The following KLK9 variants were observed in gnomAD, a reference collection of about 807,000 sequenced individuals.
KLK9 encodes the protein kallikrein related peptidase 9, also known as kallikrein-9.
KLK9 carries 26 observed loss-of-function variants against 23.3 expected under a neutral mutation model. The observed-to-expected ratio is 1.12, with a 90% CI of 0.82 to 1.55. KLK9 has a LOEUF of 1.55. KLK9 is among the 40% of genes most tolerant of loss of function. The probability of loss-of-function intolerance (pLI) is 0.00; values close to 1 mark genes in which losing one functional copy is unlikely to be tolerated. For missense variants in KLK9, 346 were observed against 333.7 expected (o/e 1.04, Z -0.29); for synonymous variants, 122 against 128.5 (o/e 0.95, Z 0.34).
At chr19:51,008,038 A>G (rs921178439) in intron 2 of KLK9, among the ~76,000 whole-genome samples, 1 of 152,050 alleles carries the variant, frequency 6.6e-6, no homozygotes, top group Admixed American at 6.6e-5. Context: ...GGACAAAAAG[A>G]CTAGAATTTT....
chr19:51,007,188 G>A (rs1039550703), intron 2 of KLK9, among the ~76,000 whole-genome samples: 5 of 151,896 alleles, frequency 3.3e-5, no homozygotes, highest in Non-Finnish European at 7.4e-5. Context: ...GTATGAAAGG[G>A]GATGGGATAT....
chr19:51,005,767 A>G (rs921040125), intron 3 of KLK9, among the ~76,000 whole-genome samples: 8 of 151,572 alleles, frequency 5.3e-5, no homozygotes, highest in Non-Finnish European at 1.2e-4. Flanking sequence ...AATCTAAGAT[A>G]TGACTAGATT....
intron 2 of KLK9, among the ~76,000 whole-genome samples, chr19:51,007,064 G>A (rs1343515594): frequency 2.6e-5 from 4 of 151,838 alleles, no homozygotes; most frequent in Admixed American, 6.6e-5. Context: ...GTGTGGGCAC[G>A]GGGGACCCCA....
chr19:51,003,861 C>T (rs774962476), intron 3 of KLK9, 21 bp from the exon 4 acceptor site: 3 of 1,610,306 alleles, frequency 1.9e-6, no homozygotes, highest in South Asian at 2.2e-5. Flanking sequence ...AGAGAACTGT[C>T]AAGGATCTGC....
intron 3 of KLK9, among the ~76,000 whole-genome samples, chr19:51,004,958 G>A (rs1040010728): frequency 5.9e-5 from 9 of 152,158 alleles, no homozygotes; most frequent in South Asian, 2.1e-4. Flanking sequence ...AACAGAAGTC[G>A]GGGACGGGGG....
chr19:51,009,106 T>C lies in KLK9; in HGVS notation c.200+77A>G. On this transcript the variant is annotated intron_variant, in intron 2 of 4. Coordinates refer to ENST00000594211, the MANE Select transcript of KLK9 (RefSeq NM_012315.2). This position sits in a 1 kb window ranked among gnomAD's most constrained non-coding sequence, Gnocchi z 4.8. ...ATCAGAAGTGGAGGCTCCGCACTTC[T>C]GGCCTAAAGCACCCCTCACCCTCTC... 1 of 1,497,910 alleles carries C rather than the reference T, an allele frequency of 6.7e-7. No homozygotes were observed. Among genetic ancestry groups the C allele is most frequent in the Non-Finnish European group, 8.9e-7 (1 of 1,120,714 alleles). 92.8% of individuals were successfully genotyped at this position (1,497,910 alleles called of 1,614,324 possible).
Position 51,009,217 on chromosome 19 carries a change from G to C in KLK9, c.166C>G (p.Arg56Gly). ...LFCGATLISD[R>G]WLLTAAHCRK... is the part of the protein sequence containing the mutation. ...CAGTGGGCAGCTGTGAGCAGCCAGC[G>C]GTCACTGATGAGGGTCGCCCCACAG... Residue 56 changes from arginine (R) to glycine (G), a missense_variant, in exon 2 of 5, where the codon CGC (arginine) becomes GGC (glycine). Coordinates refer to ENST00000594211, the MANE Select transcript of KLK9 (RefSeq NM_012315.2). The surrounding 1 kb of genome is among the most constrained non-coding windows in gnomAD (Gnocchi z 4.8). The C allele has an allele frequency of 1.2e-6, 2 of 1,609,694 alleles. No individual in the cohort carries two copies. Among genetic ancestry groups the C allele is most frequent in the Non-Finnish European group, 1.7e-6 (2 of 1,179,094 alleles).
Position 51,003,797 on chromosome 19 carries a change from C to T in KLK9, c.510G>A (p.Leu170=), listed in dbSNP as rs778075777. ...ATGCCCAGTGACAGAGTTTGTTCTC[C>T]AGGATGCTGATGTTGGCACACTGCA... ...VTLQCANISI[L]ENKLCHWAYP... The change falls in exon 4 of 5, where the codon CTG becomes CTA. Residue 170 remains leucine (L), a synonymous_variant. Transcript: ENST00000594211. 14 of 1,613,788 alleles carry T rather than the reference C, an allele frequency of 8.7e-6. No individual in the cohort carries two copies. In the East Asian group the frequency reaches 2.5e-4, roughly 28 times the overall value.
intron 2 of KLK9, among the ~76,000 whole-genome samples, chr19:51,008,167 TA>T (rs577874335): frequency 0.085 from 8,116 of 95,892 alleles, 246 homozygotes; most frequent in Non-Finnish European, 0.098. Flanking sequence ...CCGTCTCTAC[TA>T]AAAAAAAAAA....
Position 51,003,146 on chromosome 19 carries a change from A to C in KLK9, c.718T>G (p.Tyr240Asp), listed in dbSNP as rs1256135462. ...ATGATTTCTTGGATCCAGTCAAGGTAGTGGCATACGCTGGTGTAGACTGCG... is the reference window on the plus strand; with the variant it reads ...ATGATTTCTTGGATCCAGTCAAGGTCGTGGCATACGCTGGTGTAGACTGCG... ...RPAVYTSVCH[Y>D]LDWIQEIMEN The change falls in exon 5 of 5, where the codon TAC becomes GAC. Residue 240 changes from tyrosine (Y) to aspartate (D), a missense_variant. Coordinates refer to ENST00000594211, the MANE Select transcript of KLK9 (RefSeq NM_012315.2). 1 of 1,612,154 alleles carries C rather than the reference A, an allele frequency of 6.2e-7. No individual in the cohort carries two copies. Among genetic ancestry groups the C allele is most frequent in the African/African-American group, 1.3e-5 (1 of 74,886 alleles).
intron 2 of KLK9, among the ~76,000 whole-genome samples, chr19:51,008,970 C>T (rs1342393754): frequency 3.9e-5 from 6 of 152,264 alleles, no homozygotes; most frequent in Non-Finnish European, 7.4e-5. Context: ...GTCTCGGATT[C>T]GAAGAGCCTA....
At position 51,002,910 on chromosome 19, in the gene KLK9, G is replaced by T. The variant is rs201969440; in HGVS notation, c.*201C>A. 18 of 610,538 alleles carry T rather than the reference G, an allele frequency of 2.9e-5. No homozygotes were observed. In the East Asian group the frequency reaches 4.8e-4, roughly 16 times the overall value. The allele number at this position is 610,538 out of a possible 1,614,324, so 37.8% of individuals were successfully genotyped here. On this transcript the variant is annotated 3_prime_UTR_variant, in exon 5 of 5. Coordinates refer to ENST00000594211, the MANE Select transcript of KLK9 (RefSeq NM_012315.2). Reference sequence around the variant, plus strand: ...GCTCTGAAGGGCGTGTCCCTGCTCCGTTCCGAGGGGGCGCGACTGTGTCTT... The same window carrying T: ...GCTCTGAAGGGCGTGTCCCTGCTCCTTTCCGAGGGGGCGCGACTGTGTCTT...
chr19:51,007,662 G>A (rs539575337), intron 2 of KLK9, among the ~76,000 whole-genome samples: 1 of 151,934 alleles, frequency 6.6e-6, no homozygotes, highest in South Asian at 2.1e-4. Context: ...GTTAAAGGAG[G>A]TTCCATCATG....
At position 51,009,489 on chromosome 19, in the gene KLK9, A is replaced by G. The variant is rs754864302; in HGVS notation, c.43+16T>C. 1.2e-6 allele frequency: 2 copies of G among 1,605,010 alleles called. No individual in the cohort carries two copies. Among genetic ancestry groups the G allele is most frequent in the Non-Finnish European group, 1.7e-6 (2 of 1,175,852 alleles). ...TTAGTACAGCCGTGAAGGGGCAGCC[A>G]GCCTGGGAGCCTCACCTGCCAGCAG... On this transcript the variant is annotated intron_variant, in intron 1 of 4. Coordinates refer to ENST00000594211, the MANE Select transcript of KLK9 (RefSeq NM_012315.2). The surrounding 1 kb of genome is among the most constrained non-coding windows in gnomAD (Gnocchi z 4.8).
rs2122363009 is a variant in KLK9 at position 51,006,609 on chromosome 19, G to T, written c.315C>A (p.Ala105=). 2.5e-6 allele frequency: 4 copies of T among 1,613,290 alleles called. No homozygotes were observed. The highest frequency in any genetic ancestry group is 3.4e-6 in the Non-Finnish European group (4 of 1,179,468). Reference sequence around the variant, plus strand: ...GCATGATGTCATCATTGTGGTCATTGGCGCTGAGGTCCTTGTTGAAGCCAG... The same window carrying T: ...GCATGATGTCATCATTGTGGTCATTTGCGCTGAGGTCCTTGTTGAAGCCAG... The part of the protein sequence containing the change: ...PHPGFNKDLS[A]NDHNDDIMLI... The change falls in exon 3 of 5, where the codon GCC becomes GCA. Residue 105 remains alanine, a synonymous_variant. Coordinates refer to ENST00000594211, the MANE Select transcript of KLK9 (RefSeq NM_012315.2). This position sits in a 1 kb window ranked among gnomAD's most constrained non-coding sequence, Gnocchi z 4.1.
intron 2 of KLK9, among the ~76,000 whole-genome samples, 195 bp downstream of exon 2, chr19:51,008,988 A>C (rs1382973690): frequency 6.6e-6 from 1 of 152,224 alleles, no homozygotes; most frequent in Non-Finnish European, 1.5e-5. Context: ...CTAAGTTTCG[A>C]ATCTTAGACT....
In KLK9 at chr19:51,006,067, T is replaced by G. The variant is rs2091254374; in HGVS notation, c.466+391A>C. Among the ~76,000 whole-genome samples the G allele has an allele frequency of 6.6e-6, 1 of 151,680 alleles. No homozygotes were observed. Among genetic ancestry groups the G allele is most frequent in the South Asian group, 2.1e-4 (1 of 4,818 alleles). Reference sequence around the variant, plus strand: ...TGAGCCCAGGAGTTCAAAGCTGCAATGAGCCGTGATCACACCGCTGCACTC... The same window carrying G: ...TGAGCCCAGGAGTTCAAAGCTGCAAGGAGCCGTGATCACACCGCTGCACTC... On this transcript the variant is annotated intron_variant, in intron 3 of 4. Transcript: ENST00000594211. This position sits in a 1 kb window ranked among gnomAD's most constrained non-coding sequence, Gnocchi z 4.1.
At position 51,002,899 on chromosome 19, in the gene KLK9, G is replaced by GTCCCTGC. The variant is rs2091238910; in HGVS notation, c.*205_*211dup. 3.6e-6 allele frequency: 2 copies of GTCCCTGC among 554,786 alleles called. No homozygotes were observed. The highest frequency in any genetic ancestry group is 6.3e-6 in the Non-Finnish European group (2 of 319,944). 34.4% of individuals were successfully genotyped at this position (554,786 alleles called of 1,614,324 possible). On this transcript the variant is annotated 3_prime_UTR_variant, in exon 5 of 5. Coordinates refer to ENST00000594211, the MANE Select transcript of KLK9 (RefSeq NM_012315.2). ...CATAGAGACGGGCTCTGAAGGGCGT[G>GTCCCTGC]TCCCTGCTCCGTTCCGAGGGGGCGC...
rs779223736 is a variant in KLK9, at chr19:51,009,481, G to A, written c.43+24C>T. On this transcript the variant is annotated intron_variant, in intron 1 of 4. Transcript: ENST00000594211. This position sits in a 1 kb window ranked among gnomAD's most constrained non-coding sequence, Gnocchi z 4.8. ...AGGTGACCTTAGTACAGCCGTGAAG[G>A]GGCAGCCAGCCTGGGAGCCTCACCT... 5.6e-6 allele frequency: 9 copies of A among 1,601,956 alleles called. No individual in the cohort carries two copies. The highest frequency in any genetic ancestry group is 6.8e-6 in the Non-Finnish European group (8 of 1,174,322).
Sources: allele counts gnomAD v4.1 joint callset (sites outside exome capture counted in the v4.1 genomes callset), GRCh38; gene constraint gnomAD v4.1.1; non-coding constraint Gnocchi (gnomAD v3.1); transcripts MANE v1.5; gene names NCBI Gene and HGNC (gene_info 2026-07-23, HGNC 2026-07-21).